Variants in CSRNP3 observed in about 807,000 individuals in gnomAD.
CSRNP3 encodes the protein cysteine and serine rich nuclear protein 3.
CSRNP3 carries 12 observed loss-of-function variants against 48.0 expected under a neutral mutation model. That is an observed-to-expected ratio of 0.25 (90% confidence interval 0.16 to 0.41). CSRNP3 has a LOEUF of 0.41. Among genes scored for constraint, CSRNP3 ranks in the 10% least tolerant of loss-of-function variants. The probability of loss-of-function intolerance (pLI) is 1.00; values close to 1 mark genes in which losing one functional copy is unlikely to be tolerated. For missense variants in CSRNP3, 580 were observed against 724.4 expected, an observed-to-expected ratio of 0.80 and a Z score of 2.29; for synonymous variants, 263 against 269.7, an observed-to-expected ratio of 0.98 and a Z score of 0.24.
chr2:165,595,193 C>T lies in CSRNP3; in HGVS notation c.128C>T (p.Ser43Phe), dbSNP rs1367457241. The change falls in exon 4 of 7, where the codon TCC (serine) becomes TTC (phenylalanine). Residue 43 changes from serine to phenylalanine, a missense_variant. Coordinates refer to ENST00000651982, the MANE Select transcript of CSRNP3 (RefSeq NM_001172173.2). Reference protein sequence around the residue: ...SADSGDSVNPSTSSHFTPSSI... With the variant: ...SADSGDSVNPFTSSHFTPSSI... ...GACAGTGGGGACAGTGTCAATCCAT[C>T]CACTTCTAGTCATTTTACCCGTGAG... 6.2e-7 allele frequency: 1 copy of T among 1,613,662 alleles called. No individual in the cohort carries two copies. Among genetic ancestry groups the T allele is most frequent in the Non-Finnish European group, 8.5e-7 (1 of 1,179,744 alleles).
At chr2:165,624,846 C>T (rs530744420) in intron 4 of CSRNP3, among the ~76,000 whole-genome samples, 3 of 152,178 alleles carry the variant, frequency 2.0e-5, no homozygotes, top group South Asian at 2.1e-4. Flanking sequence ...TCTCTACAAC[C>T]GGTGAGATGG....
intron 2 of CSRNP3, among the ~76,000 whole-genome samples, chr2:165,510,728 T>G (rs1160494189): frequency 6.6e-6 from 1 of 152,164 alleles, no homozygotes; most frequent in African/African-American, 2.4e-5. Flanking sequence ...TTATTGTTAT[T>G]TTTTGGACAT....
At chr2:165,575,036 T>A (rs559373957) in intron 3 of CSRNP3, among the ~76,000 whole-genome samples, 2 of 152,364 alleles carry the variant, frequency 1.3e-5, no homozygotes, top group South Asian at 4.1e-4. Context: ...TTATAAATTC[T>A]CTTTGGGACT....
At chr2:165,612,707 A>G (rs1686159361) in intron 4 of CSRNP3, among the ~76,000 whole-genome samples, 1 of 151,618 alleles carries the variant, frequency 6.6e-6, no homozygotes. Flanking sequence ...GACTTATTTT[A>G]TTTAACATAA....
At chr2:165,653,092 T>C (rs1686941862) in intron 4 of CSRNP3, among the ~76,000 whole-genome samples, 1 of 152,198 alleles carries the variant, frequency 6.6e-6, no homozygotes, top group Non-Finnish European at 1.5e-5. Flanking sequence ...GACTCTTTTT[T>C]ATGACTTCAT....
At chr2:165,495,446 G>A (rs1351011444) in intron 2 of CSRNP3, among the ~76,000 whole-genome samples, 2 of 152,008 alleles carry the variant, frequency 1.3e-5, no homozygotes, top group African/African-American at 4.8e-5. Flanking sequence ...TCTTGAGTAA[G>A]GGCAGCTTTC....
intron 4 of CSRNP3, among the ~76,000 whole-genome samples, chr2:165,619,459 G>T (rs1320550830): frequency 1.3e-5 from 2 of 152,144 alleles, no homozygotes; most frequent in Non-Finnish European, 2.9e-5. Context: ...GGGTTAGTTT[G>T]TTGGGGACCA....
In CSRNP3 at chr2:165,473,745, G is replaced by T. The variant is rs577773687; in HGVS notation, c.-283+4005G>T. On this transcript the variant is annotated intron_variant, in intron 1 of 6. Coordinates refer to ENST00000651982, the MANE Select transcript of CSRNP3 (RefSeq NM_001172173.2). ...TCACATATCTCAATGAATCAGTTGG[G>T]CAGATCATTTGATTTCTCTGTCAAT... Among the ~76,000 whole-genome samples, 3 of 152,180 alleles carry T rather than the reference G, an allele frequency of 2.0e-5. No homozygotes were observed. In the East Asian group the frequency reaches 5.8e-4, roughly 29 times the overall value.
At chr2:165,653,978 A>AG in intron 4 of CSRNP3, among the ~76,000 whole-genome samples, 1 of 78,556 alleles carries the variant, frequency 1.3e-5, no homozygotes, top group Non-Finnish European at 3.1e-5. Context: ...ATCACAAAAA[A>AG]AAAAAAAAAA....
At chr2:165,629,960 T>G (rs996696736) in intron 4 of CSRNP3, among the ~76,000 whole-genome samples, 1 of 152,224 alleles carries the variant, frequency 6.6e-6, no homozygotes, top group Non-Finnish European at 1.5e-5. Context: ...GCTGATTTCC[T>G]GTGGTTCACT....
chr2:165,471,572 A>C (rs577497661), intron 1 of CSRNP3, among the ~76,000 whole-genome samples: 31 of 152,108 alleles, frequency 2.0e-4, no homozygotes, highest in Non-Finnish European at 4.4e-4. Flanking sequence ...CAGCTGCTGC[A>C]GATGCATTTT....
intron 2 of CSRNP3, among the ~76,000 whole-genome samples, chr2:165,497,906 A>G (rs574351204): frequency 6.6e-6 from 1 of 152,220 alleles, no homozygotes; most frequent in Non-Finnish European, 1.5e-5. Flanking sequence ...ATATGCCAGC[A>G]TCTCTTATAA....
intron 3 of CSRNP3, among the ~76,000 whole-genome samples, chr2:165,553,931 A>G (rs1685130858): frequency 6.6e-6 from 1 of 152,078 alleles, no homozygotes; most frequent in African/African-American, 2.4e-5. Context: ...CTACTGCCCC[A>G]TTTCTTACCC....
intron 3 of CSRNP3, among the ~76,000 whole-genome samples, chr2:165,538,777 C>T (rs1558928704): frequency 6.6e-6 from 1 of 151,814 alleles, no homozygotes; most frequent in African/African-American, 2.4e-5. Flanking sequence ...TGAGTCTTGA[C>T]ATATTTTCTG....
intron 4 of CSRNP3, among the ~76,000 whole-genome samples, chr2:165,630,097 G>A (rs1368714711): frequency 2.6e-5 from 4 of 152,058 alleles, no homozygotes; most frequent in Non-Finnish European, 4.4e-5. Flanking sequence ...CTATCTGTAC[G>A]TAGACTAAAA....
chr2:165,511,324 T>C (rs1426857255), intron 2 of CSRNP3, among the ~76,000 whole-genome samples: 1 of 152,008 alleles, frequency 6.6e-6, no homozygotes, highest in East Asian at 1.9e-4. Context: ...GGGGAGCTGA[T>C]GAAAAAGAAA....
chr2:165,651,272 A>G (rs1420483422), intron 4 of CSRNP3, among the ~76,000 whole-genome samples: 2 of 152,226 alleles, frequency 1.3e-5, no homozygotes, highest in Admixed American at 6.5e-5. Flanking sequence ...TAAGAAATAA[A>G]ATTGACAAGT....
chr2:165,577,685 T>C (rs897800878), intron 3 of CSRNP3, among the ~76,000 whole-genome samples: 8 of 151,766 alleles, frequency 5.3e-5, no homozygotes, highest in African/African-American at 1.9e-4. Flanking sequence ...TACTTTTATA[T>C]ATAATTTTAT....
In CSRNP3 at chr2:165,681,358, T is replaced by A. The variant is rs917049249; in HGVS notation, c.*1605T>A. 1 of 152,132 alleles carries A rather than the reference T, an allele frequency of 6.6e-6. No individual in the cohort carries two copies. Among genetic ancestry groups the A allele is most frequent in the African/African-American group, 2.4e-5 (1 of 41,428 alleles). The allele number at this position is 152,132 out of a possible 1,614,324, so 9.4% of individuals were successfully genotyped here. On this transcript the variant is annotated 3_prime_UTR_variant, in exon 7 of 7. Coordinates refer to ENST00000651982, the MANE Select transcript of CSRNP3 (RefSeq NM_001172173.2). ...ACTGCATCGCTACTTATTTTTTATG[T>A]CTTTTAGACTTGGGTGTTTAGAATT...
Sources: gnomAD v4.1 joint callset for allele counts (sites outside exome capture counted in the v4.1 genomes callset) on GRCh38, gnomAD v4.1.1 for gene constraint, MANE v1.5 for transcripts, NCBI Gene and HGNC (gene_info 2026-07-23, HGNC 2026-07-21) for gene names.